PKIA: variants seen among roughly 807,000 people sequenced by gnomAD.
PKIA encodes PKI-alpha.
Under a neutral mutation model 7.6 loss-of-function variants are expected in PKIA, and 4 were observed. The observed-to-expected ratio is 0.52, with a 90% CI of 0.26 to 1.20. The LOEUF (loss-of-function observed/expected upper bound fraction) is 1.20. PKIA is among the 50% of genes most tolerant of loss of function. The probability of loss-of-function intolerance (pLI) is 0.13; values close to 1 mark genes in which losing one functional copy is unlikely to be tolerated. For synonymous variants in PKIA, 21 were observed against 30.7 expected (o/e 0.68, Z 1.04); for missense variants, 73 against 86.2 (o/e 0.85, Z 0.61).
At chr8:78,535,421 G>T (rs1342181682) in intron 1 of PKIA, 4 of 152,066 alleles carry the variant, frequency 2.6e-5, no homozygotes, top group Non-Finnish European at 4.4e-5. Flanking sequence ...TTAGGGATGG[G>T]GTCCACTTGG....
At chr8:78,539,868 T>C (rs1585878985) in intron 1 of PKIA, among the ~76,000 whole-genome samples, 1 of 152,050 alleles carries the variant, frequency 6.6e-6, no homozygotes, top group South Asian at 2.1e-4. Flanking sequence ...ATTTCTCTAA[T>C]TGCATATATA....
At chr8:78,521,848 C>T (rs188185757) in intron 1 of PKIA, among the ~76,000 whole-genome samples, 24 of 152,030 alleles carry the variant, frequency 1.6e-4, no homozygotes, top group Non-Finnish European at 2.9e-4. Context: ...ACTCTATACA[C>T]ATTAAACAAT....
chr8:78,533,521 A>T (rs1049907547), intron 1 of PKIA, among the ~76,000 whole-genome samples: 30 of 152,124 alleles, frequency 2.0e-4, no homozygotes, highest in African/African-American at 7.2e-4. Context: ...CTACATTCTA[A>T]TTTTCAAATA....
chr8:78,589,860 T>C (rs138118177), intron 2 of PKIA, among the ~76,000 whole-genome samples: 1 of 152,318 alleles, frequency 6.6e-6, no homozygotes, highest in East Asian at 1.9e-4. Context: ...ATCAAACATG[T>C]GGTTATCACA....
chr8:78,552,793 C>T (rs76878425), intron 1 of PKIA, among the ~76,000 whole-genome samples: 1 of 151,838 alleles, frequency 6.6e-6, no homozygotes, highest in African/African-American at 2.4e-5. Context: ...AATAATGATA[C>T]TTTTAGTCTT....
chr8:78,594,079 T>C (rs187412080), intron 2 of PKIA, among the ~76,000 whole-genome samples: 110 of 152,256 alleles, frequency 7.2e-4, no homozygotes, highest in Admixed American at 1.8e-3. Context: ...CAGTAATCTA[T>C]TGAGAAGGAG....
At chr8:78,575,727 AAACTCAAAGT>A (rs1247676013) in intron 2 of PKIA, among the ~76,000 whole-genome samples, 1 of 152,018 alleles carries the variant, frequency 6.6e-6, no homozygotes, top group Non-Finnish European at 1.5e-5. Flanking sequence ...GTCAACTTTG[AAACTCAAAGT>A]AACTCAGTCA....
intron 1 of PKIA, among the ~76,000 whole-genome samples, chr8:78,521,642 A>T (rs1414374526): frequency 6.6e-6 from 1 of 152,056 alleles, no homozygotes; most frequent in African/African-American, 2.4e-5. Flanking sequence ...TAAAATAAGT[A>T]AAATGTTATG....
At chr8:78,570,870 C>T (rs1442966287) in intron 1 of PKIA, among the ~76,000 whole-genome samples, 2 of 152,132 alleles carry the variant, frequency 1.3e-5, no homozygotes, top group Non-Finnish European at 2.9e-5. Flanking sequence ...CTTCACATTA[C>T]ACATCCATCT....
At position 78,603,878 on chromosome 8, in the gene PKIA, A is replaced by G. The variant is rs1808412822; in HGVS notation, c.*2057A>G. 1.3e-5 allele frequency: 2 copies of G among 152,002 alleles called. No individual in the cohort carries two copies. Among genetic ancestry groups the G allele is most frequent in the East Asian group, 3.9e-4 (2 of 5,176 alleles). The allele number at this position is 152,002 out of a possible 1,614,324, so 9.4% of individuals were successfully genotyped here. A position where few individuals can be genotyped will look rare whatever the true frequency, so the allele number is the denominator to read the frequency against. ...TTATATTCCTATGTGATATACTGTT[A>G]TTAATGCATGTGGTGCCATGCTTGT... On this transcript the variant is annotated 3_prime_UTR_variant, in exon 4 of 4. Coordinates refer to ENST00000396418, the MANE Select transcript of PKIA (RefSeq NM_006823.4).
intron 3 of PKIA, 103 bp downstream of exon 3, chr8:78,598,638 G>A (rs1808283419): frequency 3.4e-6 from 3 of 884,614 alleles, no homozygotes; most frequent in African/African-American, 1.7e-5. Context: ...GTAATCTAAT[G>A]TAAAGAGTTT....
intron 2 of PKIA, among the ~76,000 whole-genome samples, chr8:78,579,484 T>G (rs985872212): frequency 6.6e-6 from 1 of 152,032 alleles, no homozygotes; most frequent in Admixed American, 6.6e-5. Context: ...TTTTCCAGCA[T>G]TAGGACCTTT....
intron 2 of PKIA, among the ~76,000 whole-genome samples, chr8:78,583,438 C>A (rs1301573603): frequency 6.6e-6 from 1 of 152,094 alleles, no homozygotes; most frequent in Non-Finnish European, 1.5e-5. Context: ...AACCACGTTC[C>A]TTCTATGCCT....
At position 78,521,833 on chromosome 8, in the gene PKIA, CA is replaced by C. The variant is rs548844176; in HGVS notation, c.-157+5366del. 1.4e-3 allele frequency among the ~76,000 whole-genome samples: 216 copies of C among 152,006 alleles called. 2 individuals carry two copies. The highest frequency in any genetic ancestry group is 4.3e-3 in the Admixed American group (66 of 15,252). On this transcript the variant is annotated intron_variant, in intron 1 of 3. Coordinates refer to ENST00000396418, the MANE Select transcript of PKIA (RefSeq NM_006823.4). ...TTCAGAACTGTCTCATTATCACAAACAGAAACTCTATACACATTAAACAATA... is the reference window on the plus strand; with the variant it reads ...TTCAGAACTGTCTCATTATCACAAACGAAACTCTATACACATTAAACAATA...
Position 78,598,344 on chromosome 8 carries a change from C to A in PKIA, c.-27-14C>A, listed in dbSNP as rs752734171. The A allele has an allele frequency of 1.3e-5, 20 of 1,537,492 alleles. No homozygotes were observed. The African/African-American group carries it at 2.6e-4, about 20-fold the overall frequency. ...ACCATTATATTCACCTATTAATTTT[C>A]CTTTCTTTTGTAGTCCCTGCTATGT... On this transcript the variant is annotated splice_polypyrimidine_tract_variant and intron_variant, in intron 2 of 3. Coordinates refer to ENST00000396418, the MANE Select transcript of PKIA (RefSeq NM_006823.4).
chr8:78,542,543 G>A (rs1806719180), intron 1 of PKIA, among the ~76,000 whole-genome samples: 1 of 152,084 alleles, frequency 6.6e-6, no homozygotes, highest in African/African-American at 2.4e-5. Flanking sequence ...TATCTGTTCT[G>A]CAAATTAATA....
intron 2 of PKIA, among the ~76,000 whole-genome samples, chr8:78,591,008 G>C (rs1808079291): frequency 6.6e-6 from 1 of 152,172 alleles, no homozygotes; most frequent in Non-Finnish European, 1.5e-5. Flanking sequence ...GGAAAAAGGG[G>C]AATTTTCTTT....
At chr8:78,580,257 A>T (rs1807774076) in intron 2 of PKIA, among the ~76,000 whole-genome samples, 1 of 152,104 alleles carries the variant, frequency 6.6e-6, no homozygotes, top group Admixed American at 6.6e-5. Flanking sequence ...ACAGATATGT[A>T]AAGAATATGT....
chr8:78,558,557 GT>G (rs1466606075), intron 1 of PKIA: 2 of 152,698 alleles, frequency 1.3e-5, no homozygotes, highest in African/African-American at 2.4e-5. Flanking sequence ...CTCGTGAGAG[GT>G]ACTCACTATC....
Sources: allele counts gnomAD v4.1 joint callset (sites outside exome capture counted in the v4.1 genomes callset), GRCh38; gene constraint gnomAD v4.1.1; transcripts MANE v1.5; gene names NCBI Gene and HGNC (gene_info 2026-07-23, HGNC 2026-07-21).